Variants in TTC8 observed in about 807,000 individuals in gnomAD.
TTC8 encodes the protein tetratricopeptide repeat protein 8.
In TTC8, 47 loss-of-function variants were observed where a neutral mutation model predicts 72.5. That is an observed-to-expected ratio of 0.65 (90% CI 0.51 to 0.83). The LOEUF is 0.83. TTC8 is among the 40% of genes least tolerant of loss of function. The pLI is 0.00. For synonymous variants in TTC8, 199 were observed against 221.4 expected (o/e 0.90, Z 0.90); for missense variants, 611 against 623.2 (o/e 0.98, Z 0.21).
chr14:88,843,721 A>G (rs2094792851), intron 6 of TTC8, 85 bp from the exon 7 acceptor site: 6 of 949,306 alleles, frequency 6.3e-6, no homozygotes, highest in Middle Eastern at 2.2e-4. Context: ...CCTTTTATCT[A>G]TAAATCCAGG....
chr14:88,860,693 A>G (rs2094881624), intron 9 of TTC8, among the ~76,000 whole-genome samples: 1 of 152,212 alleles, frequency 6.6e-6, no homozygotes, highest in Admixed American at 6.5e-5. Flanking sequence ...AACTCACAGT[A>G]AGCATTTGTT....
intron 10 of TTC8, among the ~76,000 whole-genome samples, chr14:88,862,557 T>TCC (rs1880818951): frequency 3.5e-5 from 1 of 28,552 alleles, no homozygotes; most frequent in Non-Finnish European, 6.6e-5. Context: ...TATATATATA[T>TCC]ATATATATAT....
chr14:88,855,584 A>T (rs2094852402), intron 8 of TTC8, among the ~76,000 whole-genome samples: 1 of 152,288 alleles, frequency 6.6e-6, no homozygotes, highest in Admixed American at 6.5e-5. Flanking sequence ...ATTTCTGATT[A>T]TATTTTTATT....
chr14:88,836,314 G>A (rs2094750641), intron 2 of TTC8, among the ~76,000 whole-genome samples: 1 of 151,878 alleles, frequency 6.6e-6, no homozygotes, highest in South Asian at 2.1e-4. Context: ...AACAAAGTGA[G>A]ATCCCATCTC....
Position 88,824,779 on chromosome 14 carries a change from C to T in TTC8, c.72C>T (p.Ala24=). ...YFRRRKFQLC[A]DLCTQMLEKS... ...GGCGCAGGAAGTTCCAGCTCTGCGC[C>T]GATCTATGCACGCAGATGCTGGAGA... Residue 24 remains alanine, a synonymous_variant, in exon 1 of 15, where the codon GCC becomes GCT. Transcript: ENST00000380656. 6.2e-7 allele frequency: 1 copy of T among 1,613,372 alleles called. No individual in the cohort carries two copies. The highest frequency in any genetic ancestry group is 1.3e-5 in the African/African-American group (1 of 75,024).
chr14:88,857,099 C>T, intron 8 of TTC8, 91 bp from the exon 9 acceptor site: 1 of 1,086,718 alleles, frequency 9.2e-7, no homozygotes, highest in Non-Finnish European at 1.4e-6. Flanking sequence ...GTATGTGCTT[C>T]CTCTTATAAT....
intron 1 of TTC8, chr14:88,830,883 C>T (rs1365843851): frequency 2.2e-6 from 1 of 456,114 alleles, no homozygotes; most frequent in Non-Finnish European, 4.4e-6. Flanking sequence ...TAGTCCTGCT[C>T]CTGATGGATC....
intron 10 of TTC8, among the ~76,000 whole-genome samples, chr14:88,862,586 A>ATATATATG (rs2094892380): frequency 1.4e-4 from 11 of 76,056 alleles, no homozygotes; most frequent in African/African-American, 5.5e-4. Flanking sequence ...ATATATATAT[A>ATATATATG]TATATATATA....
At chr14:88,836,722 A>C (rs188820580) in intron 2 of TTC8, among the ~76,000 whole-genome samples, 2 of 152,164 alleles carry the variant, frequency 1.3e-5, no homozygotes, top group Admixed American at 1.3e-4. Context: ...AAAATATATT[A>C]ATAACCAACT....
At chr14:88,834,433 G>A (rs960223464) in intron 2 of TTC8, among the ~76,000 whole-genome samples, 1 of 152,188 alleles carries the variant, frequency 6.6e-6, no homozygotes, top group Non-Finnish European at 1.5e-5. Context: ...GTTGCCAGGT[G>A]TTAGCCCTAC....
At chr14:88,849,487 T>C (rs2140993196) in intron 7 of TTC8, among the ~76,000 whole-genome samples, 1 of 152,308 alleles carries the variant, frequency 6.6e-6, no homozygotes, top group East Asian at 1.9e-4. Flanking sequence ...TCCAAATTTC[T>C]CTTTAAATAA....
intron 7 of TTC8, among the ~76,000 whole-genome samples, chr14:88,847,406 C>G (rs919858262): frequency 6.6e-6 from 1 of 152,162 alleles, no homozygotes; most frequent in Admixed American, 6.5e-5. Context: ...TCAAACATAT[C>G]TCATTAACAC....
upstream of TTC8, among the ~76,000 whole-genome samples, chr14:88,824,404 C>G (rs894757680): frequency 6.6e-6 from 1 of 152,118 alleles, no homozygotes; most frequent in South Asian, 2.1e-4. Flanking sequence ...GGGTGGGGGA[C>G]CCCAGGGGCA....
At position 88,857,411 on chromosome 14, in the gene TTC8, T is replaced by A. The variant is rs2094861853; in HGVS notation, c.798+134T>A. On this transcript the variant is annotated intron_variant, in intron 9 of 14. Coordinates refer to ENST00000380656, the MANE Select transcript of TTC8 (RefSeq NM_144596.4). The stretch of plus-strand genomic sequence containing the variant: ...ACTATGTTTAGATTTAACTTGTTTT[T>A]CTTTACAGCAAGGGAAAAAATGAGA... 11 of 795,340 alleles carry A rather than the reference T, an allele frequency of 1.4e-5. 1 individual carries two copies. In the South Asian group the frequency reaches 1.6e-4, roughly 12 times the overall value. The allele number at this position is 795,340 out of a possible 1,614,324, so 49.3% of individuals were successfully genotyped here.
chr14:88,869,113 T>C (rs1025572029), intron 10 of TTC8, among the ~76,000 whole-genome samples: 5 of 152,148 alleles, frequency 3.3e-5, no homozygotes, highest in African/African-American at 1.2e-4. Flanking sequence ...CAAGTTCACA[T>C]AATAAACACC....
chr14:88,836,150 T>G (rs1447779704), intron 2 of TTC8, among the ~76,000 whole-genome samples: 2 of 152,192 alleles, frequency 1.3e-5, no homozygotes, highest in African/African-American at 4.8e-5. Flanking sequence ...ATTAATATTT[T>G]TCTATCTTTT....
chr14:88,828,622 A>T (rs902074819), intron 1 of TTC8, among the ~76,000 whole-genome samples: 1 of 152,080 alleles, frequency 6.6e-6, no homozygotes, highest in African/African-American at 2.4e-5. Flanking sequence ...ATTACAAAAG[A>T]TAGTTTTTGT....
rs148398061 is a variant in TTC8 at position 88,850,446 on chromosome 14, T to C, written c.625-2525T>C. Among the ~76,000 whole-genome samples the C allele has an allele frequency of 1.5e-3, 235 of 152,252 alleles. 2 individuals are homozygous for C. The highest frequency in any genetic ancestry group is 5.1e-3 in the African/African-American group (213 of 41,572). On this transcript the variant is annotated intron_variant, in intron 7 of 14. Transcript: ENST00000380656. The stretch of plus-strand genomic sequence containing the variant: ...GCTCACACCTGTAATCCCAGCACTT[T>C]GGGAGGCTGAGGCAGGCGGATCAAC...
At chr14:88,840,762 G>A (rs1191355825) in intron 3 of TTC8, 103 bp from the exon 4 acceptor site, 29 of 1,116,562 alleles carry the variant, frequency 2.6e-5, no homozygotes, top group Non-Finnish European at 1.3e-6. Context: ...TGCTATTAAT[G>A]TCTTTTTCAC....
Sources: gnomAD v4.1 joint callset for allele counts (sites outside exome capture counted in the v4.1 genomes callset) on GRCh38, gnomAD v4.1.1 for gene constraint, MANE v1.5 for transcripts, NCBI Gene and HGNC (gene_info 2026-07-23, HGNC 2026-07-21) for gene names.